COL24A1: variants seen among roughly 807,000 people sequenced by gnomAD.
The protein encoded by COL24A1 is collagen alpha-1(XXIV) chain.
A neutral mutation model predicts 253.9 loss-of-function variants in COL24A1; 224 were observed. That is an observed-to-expected ratio of 0.88 (90% CI 0.79 to 0.99). COL24A1 has a LOEUF of 0.99. Among genes scored for constraint, COL24A1 ranks in the 50% least tolerant of loss-of-function variants. The pLI, the probability that COL24A1 is intolerant of heterozygous loss-of-function variation, is 0.00. For synonymous variants in COL24A1, 685 were observed against 673.7 expected (o/e 1.02, Z -0.26); for missense variants, 2,131 against 2,068.5 (o/e 1.03, Z -0.59).
At chr1:86,020,061 C>A in intron 18 of COL24A1, among the ~76,000 whole-genome samples, 1 of 102,630 alleles carries the variant, frequency 9.7e-6, no homozygotes, top group South Asian at 3.9e-4. Flanking sequence ...TTCATTCTTT[C>A]TTTTTTTTTT....
chr1:85,732,092 C>T (rs1386472003), intron 59 of COL24A1, among the ~76,000 whole-genome samples: 1 of 152,140 alleles, frequency 6.6e-6, no homozygotes, highest in Non-Finnish European at 1.5e-5. Context: ...CTCTCACTTT[C>T]CCCACATATA....
intron 7 of COL24A1, among the ~76,000 whole-genome samples, chr1:86,075,565 C>A (rs1702189829): frequency 6.6e-6 from 1 of 152,160 alleles, no homozygotes; most frequent in African/African-American, 2.4e-5. Context: ...CATCCTGATA[C>A]CAAAACCTGG....
intron 43 of COL24A1, among the ~76,000 whole-genome samples, chr1:85,825,104 T>C (rs1674116950): frequency 8.8e-6 from 1 of 113,376 alleles, no homozygotes; most frequent in Non-Finnish European, 1.7e-5. Context: ...CCCCAGAGTG[T>C]GAAGTTCCCC....
At chr1:85,862,241 C>A (rs994485939) in intron 37 of COL24A1, among the ~76,000 whole-genome samples, 1 of 152,062 alleles carries the variant, frequency 6.6e-6, no homozygotes, top group Non-Finnish European at 1.5e-5. Flanking sequence ...TCTTGTTCCC[C>A]ACTGTATCCC....
chr1:85,756,594 G>A (rs1666285281), intron 55 of COL24A1, among the ~76,000 whole-genome samples: 1 of 152,170 alleles, frequency 6.6e-6, no homozygotes, highest in Non-Finnish European at 1.5e-5. Flanking sequence ...TGGAGAAACT[G>A]GAATCTTGTG....
At chr1:85,835,760 C>A (rs1436600174) in intron 43 of COL24A1, among the ~76,000 whole-genome samples, 1 of 152,054 alleles carries the variant, frequency 6.6e-6, no homozygotes, top group Non-Finnish European at 1.5e-5. Context: ...GGAGTGACTG[C>A]CTAATGAGTA....
intron 28 of COL24A1, among the ~76,000 whole-genome samples, chr1:85,902,406 T>A (rs1181208895): frequency 1.3e-5 from 2 of 152,206 alleles, no homozygotes; most frequent in African/African-American, 4.8e-5. Context: ...TCTTAGTGAC[T>A]TCCCTAGAAA....
At chr1:85,854,852 C>T (rs1384729054) in intron 37 of COL24A1, among the ~76,000 whole-genome samples, 1 of 152,030 alleles carries the variant, frequency 6.6e-6, no homozygotes, top group Non-Finnish European at 1.5e-5. Context: ...TACAGGTGTG[C>T]ACCACCACGC....
At chr1:85,772,999 C>T (rs568556858) in intron 53 of COL24A1, among the ~76,000 whole-genome samples, 46 of 152,050 alleles carry the variant, frequency 3.0e-4, no homozygotes, top group Non-Finnish European at 2.5e-4. Flanking sequence ...TTTTATGGTC[C>T]TAGGTCTTAC....
chr1:85,876,203 A>G (rs1271246890), intron 33 of COL24A1, among the ~76,000 whole-genome samples: 1 of 151,958 alleles, frequency 6.6e-6, no homozygotes, highest in Non-Finnish European at 1.5e-5. Context: ...TGTAGGGGCT[A>G]TTACACTGGC....
At chr1:85,856,213 A>G (rs116685052) in intron 37 of COL24A1, among the ~76,000 whole-genome samples, 1,895 of 151,512 alleles carry the variant, frequency 0.013, 50 homozygotes, top group African/African-American at 0.043. Context: ...TTCAGCTTTG[A>G]TTTTGGTTAT....
At chr1:85,810,486 C>T in intron 47 of COL24A1, among the ~76,000 whole-genome samples, 1 of 152,110 alleles carries the variant, frequency 6.6e-6, no homozygotes, top group Non-Finnish European at 1.5e-5. Flanking sequence ...TTTTCCTATA[C>T]TCTGTTGCTC....
intron 56 of COL24A1, 36 bp from the exon 57 acceptor site, chr1:85,744,870 A>T (rs1342405882): frequency 3.2e-6 from 5 of 1,558,834 alleles, no homozygotes; most frequent in Admixed American, 3.6e-5. Context: ...TAAGCAAAAA[A>T]ATCCTGAGGA....
At chr1:86,080,568 AC>A (rs1702565063) in intron 7 of COL24A1, among the ~76,000 whole-genome samples, 1 of 152,106 alleles carries the variant, frequency 6.6e-6, no homozygotes, top group Non-Finnish European at 1.5e-5. Flanking sequence ...CTTACTATGT[AC>A]CTACAAAATT....
At chr1:86,023,452 A>G (rs991364322) in intron 14 of COL24A1, among the ~76,000 whole-genome samples, 1 of 152,122 alleles carries the variant, frequency 6.6e-6, no homozygotes, top group African/African-American at 2.4e-5. Context: ...AGACATCCTA[A>G]TGATTTGATT....
At chr1:86,013,903 T>G (rs1696765998) in intron 19 of COL24A1, among the ~76,000 whole-genome samples, 1 of 152,074 alleles carries the variant, frequency 6.6e-6, no homozygotes, top group Admixed American at 6.6e-5. Flanking sequence ...AACTCAGAAA[T>G]TATTTTATTA....
At chr1:85,832,101 G>T (rs1291330896) in intron 43 of COL24A1, among the ~76,000 whole-genome samples, 1 of 151,884 alleles carries the variant, frequency 6.6e-6, no homozygotes, top group Admixed American at 6.6e-5. Context: ...ATTAATTTTT[G>T]TATAAGGTGT....
At chr1:85,942,821 C>T (rs1022436030) in intron 24 of COL24A1, among the ~76,000 whole-genome samples, 6 of 152,040 alleles carry the variant, frequency 3.9e-5, no homozygotes, top group African/African-American at 1.5e-4. Context: ...TTGTTACTGT[C>T]TTTATTTGGA....
intron 24 of COL24A1, among the ~76,000 whole-genome samples, chr1:85,949,959 G>T (rs1316260821): frequency 1.3e-5 from 2 of 151,896 alleles, no homozygotes; most frequent in African/African-American, 4.8e-5. Context: ...GTATATATTG[G>T]TTCTCTCATG....
Sources: gnomAD v4.1 joint callset for allele counts (sites outside exome capture counted in the v4.1 genomes callset) on GRCh38, gnomAD v4.1.1 for gene constraint, MANE v1.5 for transcripts, NCBI Gene and HGNC (gene_info 2026-07-23, HGNC 2026-07-21) for gene names.